Variants in NMNAT3 observed in about 807,000 individuals in gnomAD.
NMNAT3 encodes nicotinamide/nicotinic acid mononucleotide adenylyltransferase 3.
In NMNAT3, 21 loss-of-function variants were observed where a neutral mutation model predicts 24.8. That is an observed-to-expected ratio of 0.85 (90% CI 0.60 to 1.22). NMNAT3 has a LOEUF of 1.22. NMNAT3 is among the 50% of genes most tolerant of loss of function. NMNAT3 has a pLI of 0.00. For synonymous variants in NMNAT3, 136 were observed against 155.2 expected (o/e 0.88, Z 0.92); for missense variants, 387 against 436.6 (o/e 0.89, Z 1.01).
intron 3 of NMNAT3, chr3:139,599,156 C>T (rs2054601782): frequency 1.8e-6 from 1 of 565,864 alleles, no homozygotes; most frequent in Non-Finnish European, 3.1e-6. Context: ...AATGGCTTGG[C>T]ACACTTATCA....
intron 4 of NMNAT3, 42 bp from the exon 5 acceptor site, chr3:139,579,097 G>A (rs374305266): frequency 3.2e-6 from 5 of 1,547,260 alleles, no homozygotes; most frequent in Admixed American, 1.8e-5. Flanking sequence ...ACAGACAGAT[G>A]CTCACCACCT....
At chr3:139,648,729 T>C (rs761730101) in intron 1 of NMNAT3, among the ~76,000 whole-genome samples, 1 of 152,194 alleles carries the variant, frequency 6.6e-6, no homozygotes, top group African/African-American at 2.4e-5. Flanking sequence ...AGTGAAAAAT[T>C]AGAGACCCCA....
At chr3:139,667,202 G>A (rs1005214140) in intron 1 of NMNAT3, among the ~76,000 whole-genome samples, 1 of 152,138 alleles carries the variant, frequency 6.6e-6, no homozygotes, top group Non-Finnish European at 1.5e-5. Context: ...GTTGTACTAA[G>A]TTATTTAATA....
intron 3 of NMNAT3, among the ~76,000 whole-genome samples, chr3:139,625,028 A>G (rs138437016): frequency 9.2e-5 from 14 of 152,320 alleles, no homozygotes; most frequent in Non-Finnish European, 1.6e-4. Context: ...AAGTTATATT[A>G]CTAAGTGCAA....
chr3:139,628,672 G>A (rs1249991078), intron 2 of NMNAT3, among the ~76,000 whole-genome samples: 1 of 152,124 alleles, frequency 6.6e-6, no homozygotes, highest in African/African-American at 2.4e-5. Context: ...TGGCAGACAC[G>A]GCTCTCTTGC....
intron 1 of NMNAT3, among the ~76,000 whole-genome samples, chr3:139,671,741 G>A (rs561573732): frequency 6.6e-5 from 10 of 152,190 alleles, no homozygotes; most frequent in African/African-American, 2.4e-4. Flanking sequence ...TATAAGGTTT[G>A]TGCAATAAAC....
At position 139,579,014 on chromosome 3, in the gene NMNAT3, C is replaced by T. The variant is rs1376883874; in HGVS notation, c.433G>A (p.Asp145Asn). 11 of 1,614,090 alleles carry T rather than the reference C, an allele frequency of 6.8e-6. No individual in the cohort carries two copies. Among genetic ancestry groups the T allele is most frequent in the Admixed American group, 1.7e-5 (1 of 60,006 alleles). Reference sequence around the variant, plus strand: ...GCGAGGTCTTTCTTCCCATAGGTGTCGTTGACAGGAGAGATGATACCCTGG... The same window carrying T: ...GCGAGGTCTTTCTTCCCATAGGTGTTGTTGACAGGAGAGATGATACCCTGG... The change falls in exon 5 of 7, where the codon GAC becomes AAC. Residue 145 changes from aspartate to asparagine, a missense_variant. By Grantham distance (23) the Asp-to-Asn change is conservative. Coordinates refer to ENST00000643695, the MANE Select transcript of NMNAT3 (RefSeq NM_001320510.2).
intron 3 of NMNAT3, among the ~76,000 whole-genome samples, chr3:139,600,433 G>A (rs982996238): frequency 1.3e-5 from 2 of 151,854 alleles, no homozygotes; most frequent in African/African-American, 4.8e-5. Flanking sequence ...AGCCTTCCGA[G>A]TAGCTGGGAT....
intron 1 of NMNAT3, among the ~76,000 whole-genome samples, chr3:139,668,277 A>G (rs965561739): frequency 2.0e-5 from 3 of 152,242 alleles, no homozygotes; most frequent in Non-Finnish European, 4.4e-5. Context: ...AGATTTGGTA[A>G]TGTGAAGGTC....
At chr3:139,582,209 A>AG (rs2053663070) in intron 4 of NMNAT3, among the ~76,000 whole-genome samples, 2 of 151,052 alleles carry the variant, frequency 1.3e-5, no homozygotes, top group South Asian at 2.1e-4. Context: ...AAAAAAAAAA[A>AG]AAAAAGAAAA....
At chr3:139,591,762 T>C (rs1266671890) in intron 3 of NMNAT3, among the ~76,000 whole-genome samples, 3 of 152,234 alleles carry the variant, frequency 2.0e-5, no homozygotes, top group Non-Finnish European at 4.4e-5. Flanking sequence ...GAGGGTCCTG[T>C]CTGTTAGAAG....
At chr3:139,674,460 G>C (rs1006419742) in intron 1 of NMNAT3, among the ~76,000 whole-genome samples, 1 of 152,150 alleles carries the variant, frequency 6.6e-6, no homozygotes, top group African/African-American at 2.4e-5. Context: ...CATGATAAAC[G>C]AGCAAAGACA....
chr3:139,664,985 A>T (rs1559970796), intron 1 of NMNAT3, among the ~76,000 whole-genome samples: 1 of 152,152 alleles, frequency 6.6e-6, no homozygotes, highest in Non-Finnish European at 1.5e-5. Flanking sequence ...ATTTTGCTGG[A>T]TTTTTATCAG....
At chr3:139,569,754 T>A (rs1937822812) in intron 6 of NMNAT3, 1 of 152,204 alleles carries the variant, frequency 6.6e-6, no homozygotes, top group Non-Finnish European at 1.5e-5. Context: ...AACCCGACCT[T>A]TCTCTCTGGC....
intron 3 of NMNAT3, among the ~76,000 whole-genome samples, chr3:139,600,283 C>T (rs1389066606): frequency 6.6e-6 from 1 of 151,892 alleles, no homozygotes; most frequent in African/African-American, 2.4e-5. Context: ...GTTTAAACTT[C>T]CCTTTGGTCC....
intron 3 of NMNAT3, among the ~76,000 whole-genome samples, chr3:139,592,307 T>C (rs1204257892): frequency 6.6e-6 from 1 of 152,124 alleles, no homozygotes; most frequent in East Asian, 1.9e-4. Flanking sequence ...GTCCAAGAAA[T>C]ATGGGACTAT....
chr3:139,591,225 C>T (rs901491225), intron 3 of NMNAT3, among the ~76,000 whole-genome samples: 10 of 151,462 alleles, frequency 6.6e-5, no homozygotes, highest in African/African-American at 1.9e-4. Flanking sequence ...CCTGGAAAAT[C>T]GGGTCACTCC....
intron 1 of NMNAT3, among the ~76,000 whole-genome samples, chr3:139,644,854 A>G (rs1322896945): frequency 6.6e-6 from 1 of 152,208 alleles, no homozygotes; most frequent in Admixed American, 6.5e-5. Flanking sequence ...GAAAAGACAC[A>G]GAAGGCTTGT....
chr3:139,579,348 C>T (rs1487711368), intron 4 of NMNAT3, among the ~76,000 whole-genome samples: 1 of 152,164 alleles, frequency 6.6e-6, no homozygotes, highest in Non-Finnish European at 1.5e-5. Flanking sequence ...TCCCATACAG[C>T]AGTGAGGACA....
Sources: allele counts gnomAD v4.1 joint callset (sites outside exome capture counted in the v4.1 genomes callset), GRCh38; gene constraint gnomAD v4.1.1; transcripts MANE v1.5; gene names NCBI Gene and HGNC (gene_info 2026-07-23, HGNC 2026-07-21).